Variants in AGBL4 observed in about 807,000 individuals in gnomAD.
The protein encoded by AGBL4 is cytosolic carboxypeptidase 6.
AGBL4 carries 58 observed loss-of-function variants against 66.4 expected under a neutral mutation model. That is an observed-to-expected ratio of 0.87 (90% CI 0.71 to 1.09). The LOEUF is 1.09. Ranked by LOEUF, AGBL4 falls within the 50% of genes least tolerant of loss-of-function variation. The pLI is 0.00. For synonymous variants in AGBL4, 234 were observed against 222.9 expected, an observed-to-expected ratio of 1.05 and a Z score of -0.44; for missense variants, 579 against 631.0, an observed-to-expected ratio of 0.92 and a Z score of 0.88.
intron 6 of AGBL4, among the ~76,000 whole-genome samples, chr1:48,851,567 A>G (rs10788896): frequency 0.9 from 137,334 of 152,172 alleles, 62,346 homozygotes; most frequent in Non-Finnish European, 0.96. Flanking sequence ...CCCTTGATAC[A>G]AAAAAGGAAG....
intron 1 of AGBL4, among the ~76,000 whole-genome samples, chr1:49,883,646 TACTA>T (rs1353090742): frequency 1.3e-5 from 2 of 152,230 alleles, no homozygotes; most frequent in Admixed American, 6.5e-5. Context: ...TTGATTTGAA[TACTA>T]ACTATTGTTT....
At chr1:49,980,062 A>AAT (rs1044408926) in intron 1 of AGBL4, among the ~76,000 whole-genome samples, 1 of 152,122 alleles carries the variant, frequency 6.6e-6, no homozygotes, top group East Asian at 1.9e-4. Context: ...TACAGTATAT[A>AAT]ATATATATAC....
intron 3 of AGBL4, among the ~76,000 whole-genome samples, chr1:49,315,493 C>A (rs1285649239): frequency 6.6e-6 from 1 of 152,000 alleles, no homozygotes. Context: ...GCAATCTATC[C>A]ATCTGACAAA....
chr1:48,849,673 A>T (rs1355853092), intron 6 of AGBL4, among the ~76,000 whole-genome samples: 1 of 152,182 alleles, frequency 6.6e-6, no homozygotes, highest in Non-Finnish European at 1.5e-5. Flanking sequence ...CTACATAATT[A>T]TTTAAAACAC....
intron 4 of AGBL4, among the ~76,000 whole-genome samples, chr1:49,241,032 T>C (rs1210752668): frequency 6.6e-6 from 1 of 152,062 alleles, no homozygotes; most frequent in African/African-American, 2.4e-5. Flanking sequence ...CAAAGCTAAA[T>C]TGATTCAATC....
intron 4 of AGBL4, among the ~76,000 whole-genome samples, chr1:49,065,056 T>TG (rs1644467513): frequency 6.6e-6 from 1 of 152,220 alleles, no homozygotes; most frequent in African/African-American, 2.4e-5. Flanking sequence ...TGTAGGCAGC[T>TG]GCCTATTTTA....
chr1:48,551,301 T>C (rs1372869152), intron 11 of AGBL4, among the ~76,000 whole-genome samples: 1 of 152,212 alleles, frequency 6.6e-6, no homozygotes, highest in African/African-American at 2.4e-5. Flanking sequence ...GCAGGCTATT[T>C]ACTGTCTCTG....
At chr1:48,754,963 C>T (rs925929493) in intron 6 of AGBL4, among the ~76,000 whole-genome samples, 4 of 152,156 alleles carry the variant, frequency 2.6e-5, no homozygotes, top group South Asian at 2.1e-4. Context: ...AGCAAAATGA[C>T]GGTGACAGTC....
At chr1:49,781,455 T>C (rs1360746871) in intron 2 of AGBL4, among the ~76,000 whole-genome samples, 1 of 152,056 alleles carries the variant, frequency 6.6e-6, no homozygotes, top group Non-Finnish European at 1.5e-5. Flanking sequence ...ATATAATATA[T>C]GCACATATAC....
At chr1:49,039,180 AT>A (rs1664906360) in intron 5 of AGBL4, among the ~76,000 whole-genome samples, 4 of 152,228 alleles carry the variant, frequency 2.6e-5, no homozygotes, top group South Asian at 4.1e-4. Flanking sequence ...GACAGGGGTT[AT>A]GGGAAGGGAA....
intron 5 of AGBL4, among the ~76,000 whole-genome samples, chr1:48,903,343 G>T (rs1652273832): frequency 6.6e-6 from 1 of 152,196 alleles, no homozygotes; most frequent in South Asian, 2.1e-4. Flanking sequence ...AGGGATATCT[G>T]TGGAAGGCAT....
chr1:49,499,906 G>A (rs1389567174), intron 3 of AGBL4, among the ~76,000 whole-genome samples: 2 of 151,928 alleles, frequency 1.3e-5, no homozygotes, highest in South Asian at 2.1e-4. Context: ...GGGATTGCTG[G>A]ATGAAATGGT....
intron 3 of AGBL4, among the ~76,000 whole-genome samples, chr1:49,260,974 T>G (rs1046489914): frequency 1.3e-5 from 2 of 149,916 alleles, no homozygotes; most frequent in African/African-American, 4.9e-5. Flanking sequence ...TCAAGTGGGC[T>G]TCATCCCTGC....
intron 6 of AGBL4, among the ~76,000 whole-genome samples, chr1:48,690,014 A>G (rs1470666466): frequency 6.6e-6 from 1 of 152,224 alleles, no homozygotes; most frequent in Admixed American, 6.5e-5. Context: ...GCACTGTTAT[A>G]ACTCGTTATG....
At chr1:49,456,352 A>T (rs1646388595) in intron 3 of AGBL4, among the ~76,000 whole-genome samples, 1 of 151,708 alleles carries the variant, frequency 6.6e-6, no homozygotes, top group South Asian at 2.1e-4. Context: ...ACCATGAATC[A>T]TTGTATGCAC....
intron 5 of AGBL4, among the ~76,000 whole-genome samples, chr1:48,892,231 G>C (rs1212215134): frequency 2.0e-5 from 3 of 152,164 alleles, no homozygotes; most frequent in Non-Finnish European, 4.4e-5. Flanking sequence ...CATTCTCTCT[G>C]ACTGTCTGTG....
intron 4 of AGBL4, among the ~76,000 whole-genome samples, chr1:49,084,865 C>A (rs540967797): frequency 2.6e-5 from 4 of 152,086 alleles, no homozygotes; most frequent in Middle Eastern, 3.2e-3. Context: ...AGCTTATCAG[C>A]AATTAAGTGA....
chr1:50,003,862 G>C (rs1457914276), intron 1 of AGBL4, among the ~76,000 whole-genome samples: 1 of 152,102 alleles, frequency 6.6e-6, no homozygotes, highest in African/African-American at 2.4e-5. Flanking sequence ...GAAAGTTCTT[G>C]GGTGGAGCCA....
Position 49,637,001 on chromosome 1 carries a change from T to C in AGBL4, c.282+60312A>G, listed in dbSNP as rs542043142. 1.4e-4 allele frequency among the ~76,000 whole-genome samples: 21 copies of C among 152,266 alleles called. No individual in the cohort carries two copies. In the East Asian group the frequency reaches 3.9e-3, roughly 28 times the overall value. On this transcript the variant is annotated intron_variant, in intron 3 of 13. Coordinates refer to ENST00000371839, the MANE Select transcript of AGBL4 (RefSeq NM_032785.4). ...TAACCAGCTGCCAGTGCGGCTAGAA[T>C]ATAAAGCAGACAGAAAAATGTGAAA...
Sources: gnomAD v4.1 joint callset for allele counts (sites outside exome capture counted in the v4.1 genomes callset) on GRCh38, gnomAD v4.1.1 for gene constraint, MANE v1.5 for transcripts, NCBI Gene and HGNC (gene_info 2026-07-23, HGNC 2026-07-21) for gene names.